ADAMTS7: variants seen among roughly 807,000 people sequenced by gnomAD.
ADAMTS7 encodes the protein ADAM metallopeptidase with thrombospondin type 1 motif 7, also known as A disintegrin and metalloproteinase with thrombospondin motifs 7.
ADAMTS7 carries 89 observed loss-of-function variants against 172.6 expected under a neutral mutation model. The ratio of observed to expected loss-of-function variants is 0.52; its 90% CI spans 0.43 to 0.61. The LOEUF is 0.61. Among genes scored for constraint, ADAMTS7 ranks in the 20% least tolerant of loss-of-function variants. The pLI is 0.00. For missense variants in ADAMTS7, 1,973 were observed against 2,355.6 expected (o/e 0.84, Z 3.36); for synonymous variants, 885 against 978.4 (o/e 0.90, Z 1.78).
intron 8 of ADAMTS7, among the ~76,000 whole-genome samples, chr15:78,785,393 C>A (rs2055487597): frequency 6.6e-6 from 1 of 151,854 alleles, no homozygotes; most frequent in South Asian, 2.1e-4. Context: ...ACTAAAAATA[C>A]AAACATTAGC....
intron 8 of ADAMTS7, among the ~76,000 whole-genome samples, chr15:78,784,383 A>AGAGAGAGG (rs1567226657): frequency 2.8e-5 from 3 of 107,638 alleles, no homozygotes; most frequent in African/African-American, 1.1e-4. Flanking sequence ...AGACAGAGAG[A>AGAGAGAGG]GAGAGGGAGA....
At position 78,763,623 on chromosome 15, in the gene ADAMTS7, G is replaced by C. The variant is rs78741399; in HGVS notation, c.4740+76C>G. On this transcript the variant is annotated intron_variant, in intron 22 of 23. Coordinates refer to ENST00000388820, the MANE Select transcript of ADAMTS7 (RefSeq NM_014272.5). ...CCTGGCTCACAGCACACACTCCACA[G>C]CTCCTTCACCCAACCCAAGACTGAC... 2.7e-6 allele frequency: 4 copies of C among 1,473,514 alleles called. No individual in the cohort carries two copies. In the East Asian group the frequency reaches 9.5e-5, roughly 35 times the overall value. 91.3% of individuals were successfully genotyped at this position (1,473,514 alleles called of 1,614,324 possible).
chr15:78,778,709 A>C (rs184153815), intron 8 of ADAMTS7, among the ~76,000 whole-genome samples: 64 of 151,304 alleles, frequency 4.2e-4, no homozygotes, highest in African/African-American at 4.6e-4. Flanking sequence ...GGGGAGGCAC[A>C]AACCCTCCAG....
Position 78,771,328 on chromosome 15 carries a change from G to A in ADAMTS7, c.2377-25C>T. On this transcript the variant is annotated intron_variant, in intron 15 of 23. Coordinates refer to ENST00000388820, the MANE Select transcript of ADAMTS7 (RefSeq NM_014272.5). This position sits in a 1 kb window ranked among gnomAD's most constrained non-coding sequence, Gnocchi z 4.9. Reference sequence around the variant, plus strand: ...GCTGGGTGGGCAGGCGGGGGCCCATGAGCACAAGGTGTCTTCTCCATCCAC... The same window carrying A: ...GCTGGGTGGGCAGGCGGGGGCCCATAAGCACAAGGTGTCTTCTCCATCCAC... The A allele has an allele frequency of 6.2e-7, 1 of 1,611,628 alleles. No individual in the cohort carries two copies. The highest frequency in any genetic ancestry group is 8.5e-7 in the Non-Finnish European group (1 of 1,178,588).
intron 8 of ADAMTS7, among the ~76,000 whole-genome samples, chr15:78,783,339 A>G (rs768913549): frequency 1.6e-4 from 24 of 152,236 alleles, no homozygotes; most frequent in Admixed American, 5.9e-4. Flanking sequence ...GCGCAATCTC[A>G]GTTCACTGCA....
At chr15:78,776,134 C>T (rs2055339195) in intron 11 of ADAMTS7, 54 bp downstream of exon 11, 1 of 1,552,236 alleles carries the variant, frequency 6.4e-7, no homozygotes. Flanking sequence ...AATCGGCTGA[C>T]TGTTTGGGTC....
chr15:78,806,091 A>ACACACACACACACACAC (rs1318537417), intron 1 of ADAMTS7, among the ~76,000 whole-genome samples: 3 of 27,414 alleles, frequency 1.1e-4, no homozygotes, highest in African/African-American at 4.5e-4. Flanking sequence ...CCCCCCCAAA[A>ACACACACACACACACAC]ACACACACAC....
In ADAMTS7 at chr15:78,766,614, G is replaced by A. The variant is rs762209243; in HGVS notation, c.3297C>T (p.His1099=). Residue 1099 remains histidine, a synonymous_variant, in exon 19 of 24, where the codon CAC becomes CAT. Transcript: ENST00000388820. ...CCGTGGAGGGCGCAGCAGGATGGCT[G>A]TGTGGTGGGGGTGTCCGGTCCCCTG... ...AGTGDRTPPP[H]SHPAAPSTGS... 13 of 1,607,170 alleles carry A rather than the reference G, an allele frequency of 8.1e-6. No homozygotes were observed. In the Admixed American group the frequency reaches 1.8e-4, roughly 23 times the overall value.
At position 78,762,192 on chromosome 15, in the gene ADAMTS7, C is replaced by T. The variant is rs142869204; in HGVS notation, c.4903+211G>A. On this transcript the variant is annotated intron_variant, in intron 23 of 23. Transcript: ENST00000388820. ...AGCTGCCTATGGGATGTTGTGTGGC[C>T]GGGACTCCCCTTGACTGACTCCCAG... is the stretch of plus-strand genomic sequence containing the variant. 2.5e-4 allele frequency: 191 copies of T among 768,924 alleles called. No individual in the cohort carries two copies. In the East Asian group the frequency reaches 0.012, roughly 50 times the overall value. 47.6% of individuals were successfully genotyped at this position (768,924 alleles called of 1,614,324 possible).
chr15:78,808,551 T>G (rs1403838198), intron 1 of ADAMTS7, among the ~76,000 whole-genome samples: 1 of 152,192 alleles, frequency 6.6e-6, no homozygotes, highest in Non-Finnish European at 1.5e-5. Context: ...TACCTTTTTT[T>G]ATAGTGAACT....
intron 8 of ADAMTS7, among the ~76,000 whole-genome samples, chr15:78,786,940 G>A (rs1226699543): frequency 2.6e-5 from 4 of 152,054 alleles, no homozygotes; most frequent in Admixed American, 6.5e-5. Flanking sequence ...TGAAGAGGAT[G>A]AGGATCCTCT....
chr15:78,788,255 C>T lies in ADAMTS7; in HGVS notation c.1298G>A (p.Arg433His), dbSNP rs552502308. The change falls in exon 8 of 24, where the codon CGC (arginine) becomes CAC (histidine). Residue 433 changes from arginine (R) to histidine (H), a missense_variant. Arg to His is a conservative substitution (Grantham distance 29). Transcript: ENST00000388820. Reference sequence around the variant, plus strand: ...CTCAAGGAACCTGGTGATATACTGGCGGCTGCAGCGGGACCAGGTGAGGGG... The same window carrying T: ...CTCAAGGAACCTGGTGATATACTGGTGGCTGCAGCGGGACCAGGTGAGGGG... ...AAPLTWSRCSRQYITRFLDRG... is the reference protein window; with the variant it reads ...AAPLTWSRCSHQYITRFLDRG... 206 of 1,613,686 alleles carry T rather than the reference C, an allele frequency of 1.3e-4. 1 individual carries two copies. Among genetic ancestry groups the T allele is most frequent in the South Asian group, 9.1e-4 (83 of 91,072 alleles).
rs1372568596 is a variant in ADAMTS7 at position 78,806,155 on chromosome 15, A to C, written c.100+4966T>G. Among the ~76,000 whole-genome samples the C allele has an allele frequency of 3.0e-3, 372 of 123,566 alleles. 4 individuals are homozygous for C. The highest frequency in any genetic ancestry group is 4.7e-3 in the Non-Finnish European group (263 of 55,802). The allele number at this position is 123,566 out of a possible 152,430, so 81.1% of individuals were successfully genotyped here. A position where few individuals can be genotyped will look rare whatever the true frequency, so the allele number is the denominator to read the frequency against. On this transcript the variant is annotated intron_variant, in intron 1 of 23. Coordinates refer to ENST00000388820, the MANE Select transcript of ADAMTS7 (RefSeq NM_014272.5). ...AAAAAAAAAAAAAAAAAAAAAAAAA[A>C]CAGAAAAATGGGTGCAGTAGACCCA...
chr15:78,797,502 C>A (rs2055661547), intron 3 of ADAMTS7, among the ~76,000 whole-genome samples: 1 of 152,244 alleles, frequency 6.6e-6, no homozygotes, highest in African/African-American at 2.4e-5. Context: ...GGGTACCACA[C>A]TCCAGGTCCC....
chr15:78,765,881 G>A lies in ADAMTS7; in HGVS notation c.4030C>T (p.Leu1344Phe), dbSNP rs1374915210. 1.3e-6 allele frequency: 2 copies of A among 1,571,780 alleles called. No homozygotes were observed. The highest frequency in any genetic ancestry group is 1.7e-6 in the Non-Finnish European group (2 of 1,158,786). Reference protein sequence around the residue: ...GTFLPTTLTGLGHMPEPALNP... With the variant: ...GTFLPTTLTGFGHMPEPALNP... Reference sequence around the variant, plus strand: ...AGGGCAGGCTCAGGCATGTGCCCGAGGCCAGTCAGGGTTGTGGGGAGGAAG... The same window carrying A: ...AGGGCAGGCTCAGGCATGTGCCCGAAGCCAGTCAGGGTTGTGGGGAGGAAG... The change falls in exon 19 of 24, where the codon CTC becomes TTC. Residue 1344 changes from leucine to phenylalanine, a missense_variant. By Grantham distance (22) the Leu-to-Phe change is conservative. Around this residue, in one of 8 missense-constraint regions of ADAMTS7, gnomAD observed 771 missense variants for 952.6 expected, o/e 0.81. Coordinates refer to ENST00000388820, the MANE Select transcript of ADAMTS7 (RefSeq NM_014272.5).
chr15:78,772,946 C>A, intron 14 of ADAMTS7, 137 bp downstream of exon 14: 1 of 1,187,264 alleles, frequency 8.4e-7, no homozygotes, highest in Non-Finnish European at 1.2e-6. Context: ...CAAGAATCCA[C>A]CCCAGCAAGG....
intron 4 of ADAMTS7, among the ~76,000 whole-genome samples, chr15:78,795,130 G>A (rs887198862): frequency 2.0e-5 from 3 of 152,228 alleles, no homozygotes; most frequent in African/African-American, 4.8e-5. Context: ...GGTCTTTCAG[G>A]CTGAGCCCCC....
Position 78,776,281 on chromosome 15 carries a change from T to A in ADAMTS7, c.1613A>T (p.Asp538Val). ...VPVGFRPEAV[D>V]GGWSGWSAWS... ...GGCGCTCCAGCCAGACCAGCCACCA[T>A]CCACGGCCTCGGGCCGGAAGCCCAC... Residue 538 changes from aspartate to valine, a missense_variant, in exon 11 of 24, where the codon GAT (aspartate) becomes GTT (valine). Physicochemically the swap from Asp to Val is radical, Grantham distance 152. Around this residue, in one of 8 missense-constraint regions of ADAMTS7, gnomAD observed 526 missense variants for 662.9 expected, o/e 0.79. Coordinates refer to ENST00000388820, the MANE Select transcript of ADAMTS7 (RefSeq NM_014272.5). The A allele has an allele frequency of 6.2e-7, 1 of 1,611,872 alleles. No homozygotes were observed. Among genetic ancestry groups the A allele is most frequent in the Non-Finnish European group, 8.5e-7 (1 of 1,179,834 alleles).
chr15:78,775,564 C>T (rs1338448620), intron 11 of ADAMTS7, among the ~76,000 whole-genome samples: 5 of 152,214 alleles, frequency 3.3e-5, no homozygotes, highest in East Asian at 1.9e-4. Flanking sequence ...CCCACCCCCC[C>T]GTTTAGATGG....
Sources: allele counts gnomAD v4.1 joint callset (sites outside exome capture counted in the v4.1 genomes callset), GRCh38; gene constraint gnomAD v4.1.1; regional missense constraint gnomAD v4.1.1; non-coding constraint Gnocchi (gnomAD v3.1); transcripts MANE v1.5; gene names NCBI Gene and HGNC (gene_info 2026-07-23, HGNC 2026-07-21).